The following ANO2 variants were observed in gnomAD, a reference collection of about 807,000 sequenced individuals.
ANO2 encodes the protein anoctamin-2.
A neutral mutation model predicts 124.2 loss-of-function variants in ANO2; 101 were observed. The observed-to-expected ratio is 0.81, with a 90% CI of 0.69 to 0.96. The LOEUF is 0.96. ANO2 is among the 40% of genes least tolerant of loss of function. The probability of loss-of-function intolerance (pLI) is 0.00; values close to 1 mark genes in which losing one functional copy is unlikely to be tolerated. For missense variants in ANO2, 1,293 were observed against 1,274.5 expected, an observed-to-expected ratio of 1.01 and a Z score of -0.22; for synonymous variants, 486 against 482.5, an observed-to-expected ratio of 1.01 and a Z score of -0.09.
At chr12:5,915,150 T>TA (rs976122116) in intron 3 of ANO2, among the ~76,000 whole-genome samples, 1 of 152,136 alleles carries the variant, frequency 6.6e-6, no homozygotes, top group Admixed American at 6.5e-5. Flanking sequence ...TATGAATTGG[T>TA]AGGGTGCAGA....
intron 3 of ANO2, among the ~76,000 whole-genome samples, chr12:5,898,944 G>T (rs1427707415): frequency 3.9e-5 from 6 of 152,202 alleles, no homozygotes; most frequent in Admixed American, 3.9e-4. Context: ...AGGAGAATGA[G>T]AAGGCCATAG....
intron 10 of ANO2, among the ~76,000 whole-genome samples, chr12:5,781,550 C>A (rs898654146): frequency 1.3e-5 from 2 of 152,210 alleles, no homozygotes; most frequent in African/African-American, 4.8e-5. Flanking sequence ...TAAATTTGGG[C>A]ACCCTTAAAA....
At chr12:5,798,661 T>C (rs1952945945) in intron 10 of ANO2, among the ~76,000 whole-genome samples, 1 of 152,224 alleles carries the variant, frequency 6.6e-6, no homozygotes, top group Non-Finnish European at 1.5e-5. Flanking sequence ...CATTCTACCA[T>C]GTGAACTCAC....
rs5796182 is a variant in ANO2 at position 5,694,251 on chromosome 12, C to CAGAGAGAGAGAGAGAGAGAGAGAG, written c.1545+38245_1545+38268dup. Among the ~76,000 whole-genome samples the CAGAGAGAGAGAGAGAGAGAGAGAG allele has an allele frequency of 1.9e-3, 257 of 133,928 alleles. 3 individuals are homozygous for CAGAGAGAGAGAGAGAGAGAGAGAG. Among genetic ancestry groups the CAGAGAGAGAGAGAGAGAGAGAGAG allele is most frequent in the South Asian group, 4.4e-3 (17 of 3,866 alleles). The allele number at this position is 133,928 out of a possible 152,430, so 87.9% of individuals were successfully genotyped here. ...CCTTAGCAGAAGGGTTTACCAGAGACAGAGAGAGAGAGAGAGAGAGAGAGA... is the reference window on the plus strand; with the variant it reads ...CCTTAGCAGAAGGGTTTACCAGAGACAGAGAGAGAGAGAGAGAGAGAGAGAGAGAGAGAGAGAGAGAGAGAGAGA... On this transcript the variant is annotated intron_variant, in intron 14 of 24. Coordinates refer to ENST00000682330, the MANE Select transcript of ANO2 (RefSeq NM_001364791.2).
chr12:5,827,763 C>T lies in ANO2; in HGVS notation c.892+6G>A. The T allele has an allele frequency of 6.2e-7, 1 of 1,609,744 alleles. No individual in the cohort carries two copies. The highest frequency in any genetic ancestry group is 8.5e-7 in the Non-Finnish European group (1 of 1,178,336). ...CAGCACCCTGCCCGCGGGCTGGGGTCCTTACCCATCGTGTTGTTGGCTCGG... is the reference window on the plus strand; with the variant it reads ...CAGCACCCTGCCCGCGGGCTGGGGTTCTTACCCATCGTGTTGTTGGCTCGG... On this transcript the variant is annotated splice_donor_region_variant and intron_variant, in intron 7 of 24. Transcript: ENST00000682330.
At chr12:5,706,695 T>C (rs1373384750) in intron 14 of ANO2, among the ~76,000 whole-genome samples, 3 of 152,230 alleles carry the variant, frequency 2.0e-5, no homozygotes, top group Non-Finnish European at 2.9e-5. Context: ...GCCACTGGAA[T>C]ATAAGCTCCT....
chr12:5,888,992 G>A (rs962435201), intron 3 of ANO2, among the ~76,000 whole-genome samples: 1 of 152,250 alleles, frequency 6.6e-6, no homozygotes, highest in Non-Finnish European at 1.5e-5. Context: ...GCCCACAGCT[G>A]GGGAGGCTCA....
At chr12:5,917,989 ACT>A (rs1941479921) in intron 3 of ANO2, among the ~76,000 whole-genome samples, 1 of 152,124 alleles carries the variant, frequency 6.6e-6, no homozygotes, top group African/African-American at 2.4e-5. Flanking sequence ...TTAAGAGCTC[ACT>A]CTCTTGAGCA....
intron 10 of ANO2, among the ~76,000 whole-genome samples, chr12:5,792,537 A>G (rs1952728233): frequency 6.6e-6 from 1 of 152,186 alleles, no homozygotes; most frequent in South Asian, 2.1e-4. Flanking sequence ...TGGTTTTAAA[A>G]TGTATTCTGA....
chr12:5,623,473 T>G (rs1945229606), intron 16 of ANO2, among the ~76,000 whole-genome samples: 1 of 152,172 alleles, frequency 6.6e-6, no homozygotes, highest in South Asian at 2.1e-4. Flanking sequence ...CCTTTTCTTT[T>G]ACGTGTTAAT....
rs1355816493 is a variant in ANO2, at chr12:5,721,988, GA to G, written c.1545+10531del. 3.5e-4 allele frequency among the ~76,000 whole-genome samples: 53 copies of G among 152,196 alleles called. 1 individual carries two copies. Among genetic ancestry groups the G allele is most frequent in the Non-Finnish European group, 1.5e-5 (1 of 68,036 alleles). Reference sequence around the variant, plus strand: ...TCCTAACAAATTAATAGCCATTGGGGAAAATATGCGTAAATTGAAATAAACA... The same window carrying G: ...TCCTAACAAATTAATAGCCATTGGGGAAATATGCGTAAATTGAAATAAACA... On this transcript the variant is annotated intron_variant, in intron 14 of 24. Coordinates refer to ENST00000682330, the MANE Select transcript of ANO2 (RefSeq NM_001364791.2).
At chr12:5,674,445 T>C (rs1948141124) in intron 14 of ANO2, among the ~76,000 whole-genome samples, 10 of 152,096 alleles carry the variant, frequency 6.6e-5, no homozygotes. Context: ...CGCACAACCA[T>C]GAGAAATCTC....
intron 16 of ANO2, among the ~76,000 whole-genome samples, chr12:5,629,485 C>T (rs188736075): frequency 1.3e-3 from 196 of 152,318 alleles, no homozygotes; most frequent in Admixed American, 2.4e-3. Context: ...GCACACCTTG[C>T]ACCAGTCAGC....
At position 5,667,327 on chromosome 12, in the gene ANO2, C is replaced by T. The variant is rs142845376; in HGVS notation, c.1546-19526G>A. Among the ~76,000 whole-genome samples the T allele has an allele frequency of 2.7e-4, 41 of 152,176 alleles. No individual in the cohort carries two copies. The East Asian group carries it at 7.9e-3, about 29-fold the overall frequency. ...CAGTTGGTTAGCTCTTTACAGTTGG[C>T]CTAAAACTTCAGTGTTAATATTGAT... On this transcript the variant is annotated intron_variant, in intron 14 of 24. Transcript: ENST00000682330.
chr12:5,942,328 T>C (rs1482833297), intron 1 of ANO2, among the ~76,000 whole-genome samples: 1 of 152,166 alleles, frequency 6.6e-6, no homozygotes, highest in African/African-American at 2.4e-5. Context: ...CTTTTAAAAT[T>C]AAAAATAATA....
intron 20 of ANO2, among the ~76,000 whole-genome samples, chr12:5,580,602 A>G (rs945098396): frequency 2.0e-5 from 3 of 152,244 alleles, no homozygotes; most frequent in African/African-American, 7.2e-5. Flanking sequence ...GTCTTAGACA[A>G]GCTTCGTGAG....
At chr12:5,845,234 C>T (rs1954645739) in intron 4 of ANO2, among the ~76,000 whole-genome samples, 2 of 151,744 alleles carry the variant, frequency 1.3e-5, no homozygotes, top group Non-Finnish European at 2.9e-5. Context: ...CACTGCACTC[C>T]AGCCTGGGCA....
intron 8 of ANO2, among the ~76,000 whole-genome samples, chr12:5,806,726 C>G (rs1159781149): frequency 6.6e-6 from 1 of 152,228 alleles, no homozygotes; most frequent in Non-Finnish European, 1.5e-5. Flanking sequence ...GATTTCATTA[C>G]AGTCATTCTG....
Position 5,612,698 on chromosome 12 carries a change from C to T in ANO2, c.2045G>A (p.Gly682Glu), listed in dbSNP as rs772637340. Residue 682 changes from glycine to glutamate, a missense_variant, in exon 19 of 25, where the codon GGG becomes GAG. Coordinates refer to ENST00000682330, the MANE Select transcript of ANO2 (RefSeq NM_001364791.2). ...GATGTTGTTCTGGATCAACTGCTTC[C>T]CCAACATGATGATGCTGAGCTGAAT... is the stretch of plus-strand genomic sequence containing the variant. ...LCIQLSIIML[G>E]KQLIQNNIFE... The T allele has an allele frequency of 1.2e-6, 2 of 1,613,906 alleles. No individual in the cohort carries two copies. Among genetic ancestry groups the T allele is most frequent in the Admixed American group, 1.7e-5 (1 of 60,006 alleles).
Sources: allele counts gnomAD v4.1 joint callset (sites outside exome capture counted in the v4.1 genomes callset), GRCh38; gene constraint gnomAD v4.1.1; transcripts MANE v1.5; gene names NCBI Gene and HGNC (gene_info 2026-07-23, HGNC 2026-07-21).